The following LTBP1 variants were observed in gnomAD, a reference collection of about 807,000 sequenced individuals.
The protein encoded by LTBP1 is latent transforming growth factor beta binding protein 1.
LTBP1 carries 129 observed loss-of-function variants against 207.6 expected under a neutral mutation model. The ratio of observed to expected loss-of-function variants is 0.62; its 90% CI spans 0.54 to 0.72. LTBP1 has a LOEUF of 0.72. LTBP1 is among the 30% of genes least tolerant of loss of function. LTBP1 has a pLI of 0.00. For missense variants in LTBP1, 2,281 were observed against 2,217.2 expected, an observed-to-expected ratio of 1.03 and a Z score of -0.58; for synonymous variants, 963 against 833.7, an observed-to-expected ratio of 1.16 and a Z score of -2.67.
chr2:33,302,650 G>A (rs1207753407), intron 22 of LTBP1, among the ~76,000 whole-genome samples: 3 of 152,098 alleles, frequency 2.0e-5, no homozygotes, highest in South Asian at 2.1e-4. Flanking sequence ...TTTTGGCAGC[G>A]TTTTAAAGGC....
chr2:33,188,460 T>G, intron 6 of LTBP1, 117 bp from the exon 7 acceptor site: 1 of 720,682 alleles, frequency 1.4e-6, no homozygotes, highest in South Asian at 2.0e-5. Context: ...TTGATGGCTA[T>G]GCAGCAAAAT....
chr2:33,159,178 C>T (rs563122345), intron 5 of LTBP1, among the ~76,000 whole-genome samples: 2 of 152,152 alleles, frequency 1.3e-5, no homozygotes, highest in Non-Finnish European at 2.9e-5. Context: ...TTGCTTGCTT[C>T]CCTCTCCTAA....
intron 7 of LTBP1, among the ~76,000 whole-genome samples, chr2:33,211,728 C>T (rs1403270488): frequency 1.3e-5 from 2 of 152,202 alleles, no homozygotes; most frequent in African/African-American, 4.8e-5. Context: ...TCTTATAAAA[C>T]CTTATGAAAC....
At chr2:33,077,961 G>A (rs536167226) in intron 3 of LTBP1, among the ~76,000 whole-genome samples, 1 of 152,318 alleles carries the variant, frequency 6.6e-6, no homozygotes, top group East Asian at 1.9e-4. Flanking sequence ...GGGAAGTGGT[G>A]AAGCGGGTGA....
At position 33,373,761 on chromosome 2, in the gene LTBP1, C is replaced by G. The variant is rs114763450; in HGVS notation, c.4711+8258C>G. On this transcript the variant is annotated intron_variant, in intron 31 of 33. Coordinates refer to ENST00000404816, the MANE Select transcript of LTBP1 (RefSeq NM_206943.4). ...CTTTATTTTATTATTTATTGAATGC[C>G]TACTATGTACTAGGCAAACAATTCT... 3.7e-3 allele frequency among the ~76,000 whole-genome samples: 558 copies of G among 151,966 alleles called. 5 individuals carry two copies. The highest frequency in any genetic ancestry group is 0.013 in the African/African-American group (530 of 41,410).
chr2:33,384,298 G>A (rs893015586), intron 31 of LTBP1, among the ~76,000 whole-genome samples: 8 of 152,150 alleles, frequency 5.3e-5, no homozygotes, highest in Non-Finnish European at 1.2e-4. Context: ...ATCTTGTTTA[G>A]ACTACTTAGC....
intron 2 of LTBP1, among the ~76,000 whole-genome samples, chr2:32,990,773 A>T (rs938176285): frequency 1.3e-5 from 2 of 152,182 alleles, no homozygotes; most frequent in African/African-American, 4.8e-5. Flanking sequence ...GTTCGGTATT[A>T]TGAGTCTACC....
intron 5 of LTBP1, among the ~76,000 whole-genome samples, chr2:33,167,040 A>G (rs2084982626): frequency 6.6e-6 from 1 of 152,302 alleles, no homozygotes; most frequent in African/African-American, 2.4e-5. Flanking sequence ...TTGACCCTAC[A>G]CATGACACCA....
chr2:32,973,728 T>C (rs1257622876), intron 2 of LTBP1, among the ~76,000 whole-genome samples: 1 of 152,134 alleles, frequency 6.6e-6, no homozygotes, highest in Admixed American at 6.5e-5. Context: ...CCATCCCCAC[T>C]TCTCCTCCAG....
At chr2:33,143,517 C>A (rs1268876571) in intron 5 of LTBP1, among the ~76,000 whole-genome samples, 1 of 152,146 alleles carries the variant, frequency 6.6e-6, no homozygotes, top group Admixed American at 6.5e-5. Context: ...AGTTTAGGGG[C>A]ATAGGAAATA....
chr2:33,355,946 T>C (rs969249664), intron 26 of LTBP1, among the ~76,000 whole-genome samples: 3 of 150,228 alleles, frequency 2.0e-5, no homozygotes, highest in African/African-American at 4.9e-5. Context: ...CTTTTTTTTT[T>C]CTAAACTTCA....
intron 1 of LTBP1, 30 bp downstream of exon 1, chr2:32,947,848 C>T (rs975029499): frequency 2.3e-6 from 3 of 1,279,234 alleles, no homozygotes; most frequent in Non-Finnish European, 3.0e-6. Context: ...CGCCCGCCCG[C>T]CCGCCTCGCG....
intron 2 of LTBP1, among the ~76,000 whole-genome samples, chr2:33,004,645 C>T (rs1018975014): frequency 2.0e-5 from 3 of 150,884 alleles, no homozygotes; most frequent in South Asian, 2.1e-4. Context: ...CTTGTTGGTG[C>T]GTGACTGTAA....
chr2:33,036,384 T>G (rs2075921166), intron 3 of LTBP1, among the ~76,000 whole-genome samples: 1 of 152,232 alleles, frequency 6.6e-6, no homozygotes, highest in African/African-American at 2.4e-5. Context: ...ATACTACAAT[T>G]TATCATTTCT....
At chr2:33,143,321 C>T (rs931344146) in intron 5 of LTBP1, among the ~76,000 whole-genome samples, 2 of 152,210 alleles carry the variant, frequency 1.3e-5, no homozygotes, top group Non-Finnish European at 2.9e-5. Context: ...TCCATCTTGG[C>T]ACCTCCAGTG....
Position 33,262,811 on chromosome 2 carries a change from A to G in LTBP1, c.2508A>G (p.Pro836=), listed in dbSNP as rs2093056277. Residue 836 remains proline, a synonymous_variant, in exon 14 of 34, where the codon CCA becomes CCG. Coordinates refer to ENST00000404816, the MANE Select transcript of LTBP1 (RefSeq NM_206943.4). The part of the protein sequence containing the change: ...SPGISTIHLH[P]QFPVVIEKTS... The stretch of plus-strand genomic sequence containing the variant: ...GCATTTCCACTATTCATCTGCATCC[A>G]CAGTTTCCAGGTAGCCTGTGTTGAT... 6.2e-7 allele frequency: 1 copy of G among 1,606,726 alleles called. No individual in the cohort carries two copies. Among genetic ancestry groups the G allele is most frequent in the South Asian group, 1.1e-5 (1 of 89,974 alleles).
chr2:33,223,795 C>G (rs1162114410), intron 9 of LTBP1, among the ~76,000 whole-genome samples: 1 of 152,048 alleles, frequency 6.6e-6, no homozygotes, highest in East Asian at 1.9e-4. Context: ...TAAAGTCAAC[C>G]AAGTTTGTGA....
At chr2:32,949,047 A>T in intron 2 of LTBP1, 102 bp downstream of exon 2, 2 of 1,137,730 alleles carry the variant, frequency 1.8e-6, no homozygotes, top group Non-Finnish European at 1.3e-6. Flanking sequence ...GCTCGGGGGA[A>T]GTTGAAGTCT....
At chr2:33,278,706 T>A (rs2093497222) in intron 18 of LTBP1, among the ~76,000 whole-genome samples, 1 of 152,190 alleles carries the variant, frequency 6.6e-6, no homozygotes, top group African/African-American at 2.4e-5. Flanking sequence ...GATTTAGCAG[T>A]TGTAGTTCTA....
Sources: gnomAD v4.1 joint callset for allele counts (sites outside exome capture counted in the v4.1 genomes callset) on GRCh38, gnomAD v4.1.1 for gene constraint, MANE v1.5 for transcripts, NCBI Gene and HGNC (gene_info 2026-07-23, HGNC 2026-07-21) for gene names.